The following N4BP2 variants were observed in gnomAD, a reference collection of about 807,000 sequenced individuals.
N4BP2 encodes NEDD4-binding protein 2.
A neutral mutation model predicts 152.8 loss-of-function variants in N4BP2; 91 were observed. The observed-to-expected ratio is 0.60, with a 90% CI of 0.50 to 0.71. The LOEUF is 0.71. N4BP2 is among the 30% of genes least tolerant of loss of function. N4BP2 has a pLI of 0.00. For synonymous variants in N4BP2, 646 were observed against 705.3 expected, an observed-to-expected ratio of 0.92 and a Z score of 1.33; for missense variants, 1,923 against 2,059.1, an observed-to-expected ratio of 0.93 and a Z score of 1.28.
At chr4:40,067,914 AGGT>A (rs1466874202) in intron 1 of N4BP2, among the ~76,000 whole-genome samples, 3 of 152,038 alleles carry the variant, frequency 2.0e-5, no homozygotes, top group African/African-American at 7.2e-5. Context: ...CCCTGACCTC[AGGT>A]AATCCACCTG....
At chr4:40,104,221 G>C (rs2109965924) in intron 4 of N4BP2, among the ~76,000 whole-genome samples, 1 of 150,802 alleles carries the variant, frequency 6.6e-6, no homozygotes, top group South Asian at 2.1e-4. Context: ...CAAAGTGCTG[G>C]GATTACAGGC....
intron 1 of N4BP2, among the ~76,000 whole-genome samples, chr4:40,057,898 G>T (rs1240025063): frequency 1.3e-5 from 2 of 152,096 alleles, no homozygotes; most frequent in African/African-American, 2.4e-5. Flanking sequence ...GATATTTGTG[G>T]CACGGACAGG....
At chr4:40,132,061 G>GTA in intron 13 of N4BP2, 142 bp downstream of exon 13, 1 of 631,290 alleles carries the variant, frequency 1.6e-6, no homozygotes. Flanking sequence ...GACCCACAGT[G>GTA]GGTGCATGAA....
At chr4:40,152,275 G>A (rs79158185) in intron 16 of N4BP2, among the ~76,000 whole-genome samples, 2,887 of 152,270 alleles carry the variant, frequency 0.019, 48 homozygotes, top group Non-Finnish European at 0.025. Flanking sequence ...AGGCACAAAA[G>A]AAGCTAAGTA....
chr4:40,137,936 G>A (rs1282552022), intron 14 of N4BP2, among the ~76,000 whole-genome samples: 1 of 152,180 alleles, frequency 6.6e-6, no homozygotes, highest in Non-Finnish European at 1.5e-5. Context: ...GAGGAAGTTG[G>A]AGGCATAGTT....
In N4BP2 at chr4:40,121,948, TTC is replaced by T; in HGVS notation, c.3840_3841del (p.Pro1281PhefsTer5). ...VVTETGDNIH[S>X]PSHFSDIFNF... Reference sequence around the variant, plus strand: ...TCACAGAGACTGGAGACAACATACATTCTCCTTCACATTTCTCTGATATTTTT... The same window carrying T: ...TCACAGAGACTGGAGACAACATACATTCCTTCACATTTCTCTGATATTTTT... On this transcript the variant is annotated frameshift_variant, in exon 9 of 18. Coordinates refer to ENST00000261435, the MANE Select transcript of N4BP2 (RefSeq NM_018177.6). LOFTEE classifies it high-confidence loss of function. 1 of 1,570,814 alleles carries T rather than the reference TTC, an allele frequency of 6.4e-7. No individual in the cohort carries two copies. The highest frequency in any genetic ancestry group is 8.6e-7 in the Non-Finnish European group (1 of 1,161,688).
At chr4:40,071,798 T>G (rs1025550483) in intron 1 of N4BP2, among the ~76,000 whole-genome samples, 2 of 152,196 alleles carry the variant, frequency 1.3e-5, no homozygotes, top group African/African-American at 4.8e-5. Flanking sequence ...ACTCCTGACC[T>G]CAGGTGATCC....
the N4BP2 span, among the ~76,000 whole-genome samples, chr4:40,169,428 T>C: frequency 6.6e-6 from 1 of 151,412 alleles, no homozygotes; most frequent in Non-Finnish European, 1.5e-5. Context: ...TTCACATTAT[T>C]TGATGAAATT....
the N4BP2 span, among the ~76,000 whole-genome samples, chr4:40,185,791 TA>T: frequency 1.3e-5 from 2 of 152,098 alleles, no homozygotes; most frequent in Non-Finnish European, 2.9e-5. Context: ...TTTAAATGAT[TA>T]AAAAAATGCA....
intron 13 of N4BP2, 61 bp downstream of exon 13, chr4:40,131,980 G>T (rs1363710607): frequency 5.8e-6 from 6 of 1,037,622 alleles, no homozygotes; most frequent in Non-Finnish European, 9.0e-6. Flanking sequence ...CATATGCCAT[G>T]TTTATTTTTC....
chr4:40,136,379 T>TATCTATCTATCTATC (rs1553926173), intron 13 of N4BP2, among the ~76,000 whole-genome samples: 17,313 of 150,278 alleles, frequency 0.12, 1,145 homozygotes, highest in Non-Finnish European at 0.14. Context: ...TCTATCTATC[T>TATCTATCTATCTATC]ATCTATCTAT....
chr4:40,076,963 G>A (rs1712804857), intron 2 of N4BP2, among the ~76,000 whole-genome samples: 1 of 152,078 alleles, frequency 6.6e-6, no homozygotes, highest in South Asian at 2.1e-4. Context: ...TTTGCTGATC[G>A]TGTTTGGGAA....
chr4:40,168,798 T>A, the N4BP2 span, among the ~76,000 whole-genome samples: 18 of 151,906 alleles, frequency 1.2e-4, no homozygotes, highest in Non-Finnish European at 4.4e-5. Context: ...AGTCTTGGCT[T>A]ACTGCAACCT....
At chr4:40,150,037 G>A (rs561550759) in intron 16 of N4BP2, among the ~76,000 whole-genome samples, 30 of 152,314 alleles carry the variant, frequency 2.0e-4, no homozygotes, top group African/African-American at 7.2e-4. Flanking sequence ...ACCTGTGGTA[G>A]TCTGTAGTTA....
chr4:40,091,374 A>G (rs1363788150), intron 2 of N4BP2, among the ~76,000 whole-genome samples: 2 of 152,078 alleles, frequency 1.3e-5, no homozygotes, highest in Non-Finnish European at 2.9e-5. Context: ...ATTTCATTAC[A>G]AATACAATGT....
intron 2 of N4BP2, among the ~76,000 whole-genome samples, chr4:40,091,557 C>A (rs956412473): frequency 1.3e-5 from 2 of 149,604 alleles, no homozygotes; most frequent in South Asian, 2.1e-4. Flanking sequence ...ATGGAACTAG[C>A]CTTGCCTTCC....
At chr4:40,117,506 A>C (rs1231878663) in intron 7 of N4BP2, among the ~76,000 whole-genome samples, 1 of 152,220 alleles carries the variant, frequency 6.6e-6, no homozygotes, top group African/African-American at 2.4e-5. Context: ...GTGTGAAAGT[A>C]CTCCGAGTTG....
chr4:40,059,611 A>G (rs1223369185), intron 1 of N4BP2, among the ~76,000 whole-genome samples: 2 of 150,984 alleles, frequency 1.3e-5, no homozygotes, highest in Non-Finnish European at 2.9e-5. Flanking sequence ...TGGCCTCCCA[A>G]AGTGCTAGGA....
intron 2 of N4BP2, among the ~76,000 whole-genome samples, chr4:40,079,387 G>A (rs1312506924): frequency 6.7e-6 from 1 of 149,372 alleles, no homozygotes; most frequent in African/African-American, 2.5e-5. Flanking sequence ...AAAATGCTGG[G>A]ATTACAGGTG....
Sources: allele counts gnomAD v4.1 joint callset (sites outside exome capture counted in the v4.1 genomes callset), GRCh38; gene constraint gnomAD v4.1.1; transcripts MANE v1.5; gene names NCBI Gene and HGNC (gene_info 2026-07-23, HGNC 2026-07-21).